Variants in SEL1L2 observed in about 807,000 individuals in gnomAD.
The protein encoded by SEL1L2 is SEL1L2 adaptor subunit of SYVN1 ubiquitin ligase, also known as protein sel-1 homolog 2.
In SEL1L2, 89 loss-of-function variants were observed where a neutral mutation model predicts 98.8. That is an observed-to-expected ratio of 0.90 (90% CI 0.76 to 1.07). The LOEUF is 1.07. SEL1L2 is among the 50% of genes least tolerant of loss of function. The probability of loss-of-function intolerance (pLI) is 0.00; values close to 1 mark genes in which losing one functional copy is unlikely to be tolerated. For missense variants in SEL1L2, 788 were observed against 812.0 expected (o/e 0.97, Z 0.36); for synonymous variants, 262 against 278.5 (o/e 0.94, Z 0.59).
intron 1 of SEL1L2, among the ~76,000 whole-genome samples, chr20:13,988,739 G>A (rs1288721291): frequency 6.6e-6 from 1 of 152,142 alleles, no homozygotes; most frequent in East Asian, 1.9e-4. Context: ...GCCCAGATGC[G>A]GTGTGATTCA....
intron 1 of SEL1L2, among the ~76,000 whole-genome samples, chr20:13,978,790 C>T (rs1216064008): frequency 2.6e-5 from 4 of 152,184 alleles, no homozygotes; most frequent in Admixed American, 2.6e-4. Context: ...GGTGCGGTGG[C>T]TCACGCCTGT....
At chr20:13,993,805 GT>G (rs1331700280), upstream of SEL1L2, among the ~76,000 whole-genome samples, 1 of 152,078 alleles carries the variant, frequency 6.6e-6, no homozygotes, top group African/African-American at 2.4e-5. Context: ...CCTATGAAAT[GT>G]TTTTCTTTTC....
chr20:13,929,333 C>T (rs1157771305), intron 3 of SEL1L2, among the ~76,000 whole-genome samples: 2 of 151,888 alleles, frequency 1.3e-5, no homozygotes, highest in Admixed American at 1.3e-4. Context: ...GGACCTCTAA[C>T]GTTCCTTTTT....
chr20:13,990,298 T>TGA (rs2052478411), intron 1 of SEL1L2, among the ~76,000 whole-genome samples, 179 bp downstream of exon 1: 1 of 152,166 alleles, frequency 6.6e-6, no homozygotes. Context: ...TTATCCCAAG[T>TGA]GAGACTATCA....
At chr20:13,962,803 T>C (rs1178349907) in intron 1 of SEL1L2, among the ~76,000 whole-genome samples, 1 of 152,180 alleles carries the variant, frequency 6.6e-6, no homozygotes, top group African/African-American at 2.4e-5. Context: ...CAATGGCTCA[T>C]GCCTGTAATC....
chr20:13,876,588 C>T (rs2046442950), intron 11 of SEL1L2, among the ~76,000 whole-genome samples: 1 of 152,114 alleles, frequency 6.6e-6, no homozygotes, highest in South Asian at 2.1e-4. Flanking sequence ...CTCCACCAGG[C>T]TACTCTGCAG....
intron 2 of SEL1L2, among the ~76,000 whole-genome samples, chr20:13,938,304 C>T (rs1177564709): frequency 6.6e-6 from 1 of 152,042 alleles, no homozygotes; most frequent in Non-Finnish European, 1.5e-5. Flanking sequence ...TCATCTCGAA[C>T]CCCTGACCTT....
chr20:13,907,274 C>T (rs2047975174), intron 5 of SEL1L2, among the ~76,000 whole-genome samples: 1 of 152,002 alleles, frequency 6.6e-6, no homozygotes, highest in Admixed American at 6.6e-5. Flanking sequence ...ACCAGAAAAG[C>T]ATTTTTTGAA....
At chr20:13,974,022 G>A (rs916517061) in intron 1 of SEL1L2, among the ~76,000 whole-genome samples, 1 of 152,114 alleles carries the variant, frequency 6.6e-6, no homozygotes, top group Admixed American at 6.5e-5. Flanking sequence ...CCGTTGAAAA[G>A]GTCTCTTATT....
intron 5 of SEL1L2, among the ~76,000 whole-genome samples, chr20:13,910,809 C>A (rs2048176816): frequency 6.6e-6 from 1 of 152,170 alleles, no homozygotes; most frequent in Non-Finnish European, 1.5e-5. Flanking sequence ...CATGTGATAA[C>A]CACACTACTT....
intron 18 of SEL1L2, among the ~76,000 whole-genome samples, chr20:13,853,954 G>T (rs1473839793): frequency 1.3e-5 from 2 of 152,180 alleles, no homozygotes; most frequent in African/African-American, 4.8e-5. Context: ...TTCCCTAGAT[G>T]ATAGATGTTT....
chr20:13,893,047 T>C (rs183277309), intron 5 of SEL1L2, among the ~76,000 whole-genome samples: 133 of 152,328 alleles, frequency 8.7e-4, no homozygotes, highest in Admixed American at 1.7e-3. Flanking sequence ...AATTCTTCAA[T>C]TGACCCCAAC....
intron 5 of SEL1L2, among the ~76,000 whole-genome samples, chr20:13,900,365 T>TA (rs1262638748): frequency 2.0e-5 from 3 of 152,194 alleles, no homozygotes; most frequent in African/African-American, 7.2e-5. Context: ...TAGTTATTTT[T>TA]AAAAAATTGT....
intron 10 of SEL1L2, among the ~76,000 whole-genome samples, chr20:13,880,600 T>TCATCCATC (rs35310861): frequency 0.057 from 8,478 of 149,688 alleles, 280 homozygotes; most frequent in East Asian, 0.13. Context: ...GATCAAGTAC[T>TCATCCATC]CATCCATCCA....
chr20:13,957,632 T>A (rs982404885), intron 1 of SEL1L2, among the ~76,000 whole-genome samples: 1 of 152,144 alleles, frequency 6.6e-6, no homozygotes, highest in Non-Finnish European at 1.5e-5. Flanking sequence ...AACCCAACAC[T>A]TTGGAAGGAC....
At chr20:13,969,152 T>C (rs1413472467) in intron 1 of SEL1L2, among the ~76,000 whole-genome samples, 1 of 152,226 alleles carries the variant, frequency 6.6e-6, no homozygotes, top group African/African-American at 2.4e-5. Context: ...CTTGTTTTGT[T>C]GTCACTAGTT....
At chr20:13,940,556 T>A (rs1325145541) in intron 2 of SEL1L2, among the ~76,000 whole-genome samples, 1 of 152,172 alleles carries the variant, frequency 6.6e-6, no homozygotes, top group Non-Finnish European at 1.5e-5. Flanking sequence ...GATATTGCGA[T>A]CCTAGGAGAC....
chr20:13,879,201 T>C (rs1315507195), intron 10 of SEL1L2, among the ~76,000 whole-genome samples: 2 of 152,064 alleles, frequency 1.3e-5, no homozygotes, highest in African/African-American at 2.4e-5. Flanking sequence ...AGCAAACGAA[T>C]GGGGATGGGA....
chr20:13,902,616 T>C (rs1374848375), intron 5 of SEL1L2, among the ~76,000 whole-genome samples: 1 of 152,192 alleles, frequency 6.6e-6, no homozygotes, highest in Non-Finnish European at 1.5e-5. Context: ...ATCCTTCCTA[T>C]CAGGTATGAT....
Sources: allele counts gnomAD v4.1 joint callset (sites outside exome capture counted in the v4.1 genomes callset), GRCh38; gene constraint gnomAD v4.1.1; transcripts MANE v1.5; gene names NCBI Gene and HGNC (gene_info 2026-07-23, HGNC 2026-07-21).